Variants in UBE3C observed in about 807,000 individuals in gnomAD.
The protein encoded by UBE3C is ubiquitin-protein ligase E3C.
In UBE3C, 42 loss-of-function variants were observed where a neutral mutation model predicts 129.4. The observed-to-expected ratio is 0.32, with a 90% CI of 0.25 to 0.42. The LOEUF is 0.42. Among genes scored for constraint, UBE3C ranks in the 10% least tolerant of loss-of-function variants. The pLI is 1.00. For missense variants in UBE3C, 1,049 were observed against 1,319.1 expected (o/e 0.80, Z 3.17); for synonymous variants, 510 against 492.4 (o/e 1.04, Z -0.47).
intron 13 of UBE3C, among the ~76,000 whole-genome samples, chr7:157,211,024 C>G (rs1809576323): frequency 6.6e-6 from 1 of 152,114 alleles, no homozygotes; most frequent in East Asian, 1.9e-4. Context: ...ATTACTTTAG[C>G]TTGATGAGAT....
At chr7:157,172,660 C>T (rs1228945256) in intron 4 of UBE3C, among the ~76,000 whole-genome samples, 1 of 152,184 alleles carries the variant, frequency 6.6e-6, no homozygotes, top group African/African-American at 2.4e-5. Flanking sequence ...CCATTCTGGA[C>T]TTCAGTTAAG....
intron 18 of UBE3C, among the ~76,000 whole-genome samples, chr7:157,239,812 G>A (rs76862958): frequency 0.015 from 2,256 of 152,296 alleles, 57 homozygotes; most frequent in African/African-American, 0.051. Flanking sequence ...AGCAGGGGGC[G>A]CCACAGGCTG....
At position 157,157,188 on chromosome 7, in the gene UBE3C, A is replaced by G. The variant is rs79689239; in HGVS notation, c.67-6622A>G. On this transcript the variant is annotated intron_variant, in intron 1 of 22. Coordinates refer to ENST00000348165, the MANE Select transcript of UBE3C (RefSeq NM_014671.3). ...CTGCAACAATGAATTAAAAAATTCA[A>G]TATACAGAAATCCATGCTAGTGATG... is the stretch of plus-strand genomic sequence containing the variant. 1.2e-4 allele frequency among the ~76,000 whole-genome samples: 19 copies of G among 152,316 alleles called. No individual in the cohort carries two copies. In the East Asian group the frequency reaches 1.7e-3, roughly 14 times the overall value.
intron 18 of UBE3C, among the ~76,000 whole-genome samples, chr7:157,247,250 A>G (rs1332317527): frequency 6.6e-6 from 1 of 152,206 alleles, no homozygotes; most frequent in Non-Finnish European, 1.5e-5. Context: ...GTTTACTTCC[A>G]TTCCTTTACC....
rs748671348 is a variant in UBE3C, at chr7:157,223,318, G to A, written c.2067G>A (p.Leu689=). The A allele has an allele frequency of 5.6e-6, 9 of 1,613,678 alleles. No individual in the cohort carries two copies. The highest frequency in any genetic ancestry group is 6.8e-6 in the Non-Finnish European group (8 of 1,179,916). Residue 689 remains leucine (L), a synonymous_variant, in exon 16 of 23, where the codon TTG becomes TTA. Coordinates refer to ENST00000348165, the MANE Select transcript of UBE3C (RefSeq NM_014671.3). ...GACAGCTTGCTGTCCTGACAGAGTT[G>A]CCTTTTGTGGTTCCATTTGAGGAAC... is the stretch of plus-strand genomic sequence containing the variant. ...EERQLAVLTE[L]PFVVPFEERV...
At chr7:157,209,458 C>T (rs1169978688) in intron 13 of UBE3C, among the ~76,000 whole-genome samples, 1 of 152,180 alleles carries the variant, frequency 6.6e-6, no homozygotes, top group African/African-American at 2.4e-5. Flanking sequence ...TATATCCTTT[C>T]TTAAAGATTG....
At position 157,176,335 on chromosome 7, in the gene UBE3C, C is replaced by T. The variant is rs565198521; in HGVS notation, c.458+1301C>T. ...TGTCACCCAGGCTGGAATGCAGTGG[C>T]GTGATCTCGGCTCACTGCAACCACT... On this transcript the variant is annotated intron_variant, in intron 5 of 22. Transcript: ENST00000348165. 4.3e-3 allele frequency among the ~76,000 whole-genome samples: 660 copies of T among 152,226 alleles called. 1 individual carries two copies. Among genetic ancestry groups the T allele is most frequent in the Non-Finnish European group, 5.6e-3 (379 of 68,012 alleles).
chr7:157,154,273 T>G (rs938064449), intron 1 of UBE3C, among the ~76,000 whole-genome samples: 5 of 150,590 alleles, frequency 3.3e-5, no homozygotes, highest in African/African-American at 1.2e-4. Flanking sequence ...TGAGCCAAGA[T>G]CACACCACTG....
intron 16 of UBE3C, among the ~76,000 whole-genome samples, chr7:157,224,435 C>CT (rs754959664): frequency 6.0e-4 from 91 of 152,224 alleles, no homozygotes; most frequent in Non-Finnish European, 1.1e-3. Flanking sequence ...ACCTCGTGAT[C>CT]TGCCTGCCCC....
intron 18 of UBE3C, among the ~76,000 whole-genome samples, chr7:157,246,158 G>C (rs901613243): frequency 1.3e-5 from 2 of 152,148 alleles, no homozygotes; most frequent in African/African-American, 4.8e-5. Flanking sequence ...TGAATCTCAA[G>C]GGGTGTCTGA....
At chr7:157,156,999 T>C (rs1027507890) in intron 1 of UBE3C, among the ~76,000 whole-genome samples, 10 of 152,176 alleles carry the variant, frequency 6.6e-5, no homozygotes, top group Admixed American at 6.5e-4. Flanking sequence ...CATTAGACTT[T>C]TTAAATTACC....
intron 18 of UBE3C, among the ~76,000 whole-genome samples, chr7:157,235,023 C>A (rs886336157): frequency 6.6e-6 from 1 of 152,098 alleles, no homozygotes; most frequent in Admixed American, 6.6e-5. Flanking sequence ...GAAACCCCGT[C>A]TCTACTAAAA....
intron 10 of UBE3C, among the ~76,000 whole-genome samples, chr7:157,196,474 C>A (rs1197622159): frequency 6.6e-6 from 1 of 152,140 alleles, no homozygotes; most frequent in Non-Finnish European, 1.5e-5. Context: ...ACAGAATATA[C>A]ATTCCTGTAT....
chr7:157,224,075 C>G (rs79528142), intron 16 of UBE3C, among the ~76,000 whole-genome samples: 7,919 of 152,132 alleles, frequency 0.052, 263 homozygotes, highest in Middle Eastern at 0.12. Context: ...GTGCTGTGAT[C>G]ATAGCTCACA....
At chr7:157,172,543 A>G (rs3802130) in intron 4 of UBE3C, among the ~76,000 whole-genome samples, 72,192 of 151,930 alleles carry the variant, frequency 0.48, 19,757 homozygotes, top group African/African-American at 0.77. Flanking sequence ...CATTGCCTCC[A>G]GAGTTGAGCT....
intron 14 of UBE3C, among the ~76,000 whole-genome samples, chr7:157,218,170 G>A (rs1343639467): frequency 3.9e-5 from 6 of 152,186 alleles, no homozygotes; most frequent in Non-Finnish European, 8.8e-5. Flanking sequence ...TGTCGGCTGG[G>A]CGCGGTGGCT....
At chr7:157,210,047 T>C (rs1808217) in intron 13 of UBE3C, among the ~76,000 whole-genome samples, 72,286 of 151,984 alleles carry the variant, frequency 0.48, 19,799 homozygotes, top group African/African-American at 0.77. Context: ...GGGCGTGATG[T>C]ACGCCTGTAA....
chr7:157,225,283 TGAC>T, intron 16 of UBE3C, 121 bp from the exon 17 acceptor site: 2 of 1,105,276 alleles, frequency 1.8e-6, no homozygotes, highest in South Asian at 3.5e-5. Context: ...TTTGATACCT[TGAC>T]TATTAGCATT....
At chr7:157,148,846 C>A (rs1807678851) in intron 1 of UBE3C, among the ~76,000 whole-genome samples, 1 of 150,178 alleles carries the variant, frequency 6.7e-6, no homozygotes, top group Non-Finnish European at 1.5e-5. Context: ...AACTCCTGAT[C>A]TCCAGCGATT....
Sources: allele counts gnomAD v4.1 joint callset (sites outside exome capture counted in the v4.1 genomes callset), GRCh38; gene constraint gnomAD v4.1.1; transcripts MANE v1.5; gene names NCBI Gene and HGNC (gene_info 2026-07-23, HGNC 2026-07-21).